GRID1: variants seen among roughly 807,000 people sequenced by gnomAD.
The protein encoded by GRID1 is glutamate ionotropic receptor delta type subunit 1, also known as glutamate receptor ionotropic, delta-1.
Under a neutral mutation model 98.0 loss-of-function variants are expected in GRID1, and 28 were observed. That is an observed-to-expected ratio of 0.29 (90% confidence interval 0.21 to 0.39). GRID1 has a LOEUF of 0.39. Among genes scored for constraint, GRID1 ranks in the 10% least tolerant of loss-of-function variants. The pLI, the probability that GRID1 is intolerant of heterozygous loss-of-function variation, is 1.00. For synonymous variants in GRID1, 553 were observed against 538.5 expected, an observed-to-expected ratio of 1.03 and a Z score of -0.37; for missense variants, 1,111 against 1,340.5, an observed-to-expected ratio of 0.83 and a Z score of 2.67.
chr10:86,226,453 C>CCTCA lies in GRID1; in HGVS notation c.236-19806_236-19805insTGAG, dbSNP rs1403873686. Among the ~76,000 whole-genome samples, 3 of 32,070 alleles carry CCTCA rather than the reference C, an allele frequency of 9.4e-5. 1 individual carries two copies. Among genetic ancestry groups the CCTCA allele is most frequent in the African/African-American group, 1.3e-4 (1 of 7,810 alleles). The allele number at this position is 32,070 out of a possible 152,430, so 21.0% of individuals were successfully genotyped here. ...AGCATACCCTCCCACCCCAGCATAC[C>CCTCA]CTCCCACCCCAGCACACCCTCCCAC... On this transcript the variant is annotated intron_variant, in intron 2 of 15. Transcript: ENST00000327946.
At chr10:85,727,145 A>C (rs545402693) in intron 10 of GRID1, among the ~76,000 whole-genome samples, 33 of 152,290 alleles carry the variant, frequency 2.2e-4, no homozygotes, top group African/African-American at 7.7e-4. Context: ...GGAGTACAGC[A>C]AAGGTCCCTG....
At chr10:85,695,198 A>G (rs1329593286) in intron 12 of GRID1, among the ~76,000 whole-genome samples, 2 of 152,216 alleles carry the variant, frequency 1.3e-5, no homozygotes, top group East Asian at 1.9e-4. Context: ...CAGTCTATAG[A>G]GTAAGCCTGT....
intron 4 of GRID1, among the ~76,000 whole-genome samples, chr10:85,953,014 G>A (rs536836775): frequency 2.0e-5 from 3 of 151,790 alleles, no homozygotes; most frequent in Admixed American, 1.3e-4. Flanking sequence ...TTTCTCTATT[G>A]TAAGAGTATA....
intron 4 of GRID1, among the ~76,000 whole-genome samples, chr10:86,053,864 GCACATGCTCACACACGTGTGCA>G (rs1456126494): frequency 2.6e-5 from 4 of 152,122 alleles, no homozygotes; most frequent in East Asian, 3.9e-4. Flanking sequence ...GTGTGCATAA[GCACATGCTCACACACGTGTGCA>G]CACATGCACA....
intron 12 of GRID1, among the ~76,000 whole-genome samples, chr10:85,652,065 A>G (rs1564689573): frequency 1.3e-5 from 2 of 152,182 alleles, no homozygotes. Context: ...ATTGTCTTGC[A>G]AAAGGACTTT....
intron 3 of GRID1, among the ~76,000 whole-genome samples, chr10:86,187,818 A>G (rs1004901672): frequency 3.9e-5 from 6 of 152,218 alleles, no homozygotes; most frequent in Non-Finnish European, 8.8e-5. Flanking sequence ...AGAAGTTCCC[A>G]CCACCCATCT....
At chr10:86,162,132 T>C (rs889344329) in intron 3 of GRID1, among the ~76,000 whole-genome samples, 2 of 152,092 alleles carry the variant, frequency 1.3e-5, no homozygotes, top group African/African-American at 4.8e-5. Flanking sequence ...AACAAATGAA[T>C]ATGTATAAAT....
At chr10:86,054,145 A>G (rs1226470353) in intron 4 of GRID1, among the ~76,000 whole-genome samples, 1 of 152,024 alleles carries the variant, frequency 6.6e-6, no homozygotes, top group African/African-American at 2.4e-5. Context: ...GTAAGCCAGA[A>G]GTGTTATCAT....
In GRID1 at chr10:85,761,401, T is replaced by C. The variant is rs115343232; in HGVS notation, c.1234-31787A>G. Among the ~76,000 whole-genome samples the C allele has an allele frequency of 3.5e-3, 527 of 152,302 alleles. 4 individuals carry two copies. The highest frequency in any genetic ancestry group is 0.012 in the African/African-American group (507 of 41,568). Reference sequence around the variant, plus strand: ...GTTCTTTCCAGTTTCTGATCACCCATTCAAACAAGTATTTACTGAGCCCTT... The same window carrying C: ...GTTCTTTCCAGTTTCTGATCACCCACTCAAACAAGTATTTACTGAGCCCTT... On this transcript the variant is annotated intron_variant, in intron 8 of 15. Coordinates refer to ENST00000327946, the MANE Select transcript of GRID1 (RefSeq NM_017551.3).
intron 2 of GRID1, among the ~76,000 whole-genome samples, chr10:86,300,135 T>C (rs1179013572): frequency 1.3e-5 from 2 of 151,574 alleles, no homozygotes; most frequent in Non-Finnish European, 2.9e-5. Flanking sequence ...AGAAGCCCAT[T>C]TGAGGATGGT....
chr10:85,984,537 C>A (rs1192151330), intron 4 of GRID1, among the ~76,000 whole-genome samples: 2 of 152,144 alleles, frequency 1.3e-5, no homozygotes, highest in Admixed American at 6.5e-5. Flanking sequence ...GTGTCCAGGA[C>A]CTGGAGCTGG....
intron 4 of GRID1, among the ~76,000 whole-genome samples, chr10:85,983,211 C>T (rs1451252840): frequency 1.3e-5 from 2 of 152,188 alleles, no homozygotes; most frequent in Non-Finnish European, 2.9e-5. Context: ...CTGTTGAGTT[C>T]ATGAGTAAGG....
intron 8 of GRID1, among the ~76,000 whole-genome samples, chr10:85,778,741 T>A (rs1403731209): frequency 6.6e-6 from 1 of 152,194 alleles, no homozygotes; most frequent in Non-Finnish European, 1.5e-5. Context: ...ACAAAAAGCC[T>A]TCAAAGCTTC....
intron 3 of GRID1, among the ~76,000 whole-genome samples, chr10:86,140,094 T>C (rs1844990090): frequency 6.6e-6 from 1 of 152,226 alleles, no homozygotes; most frequent in African/African-American, 2.4e-5. Flanking sequence ...AGCCAGTGAA[T>C]GCCTTTGTTT....
At chr10:85,911,569 G>T (rs1465131643) in intron 5 of GRID1, among the ~76,000 whole-genome samples, 3 of 152,162 alleles carry the variant, frequency 2.0e-5, no homozygotes, top group Non-Finnish European at 4.4e-5. Flanking sequence ...AAACCCAGGT[G>T]CAAAGGTTAT....
At chr10:86,344,396 G>A (rs1031760932) in intron 2 of GRID1, among the ~76,000 whole-genome samples, 1 of 152,194 alleles carries the variant, frequency 6.6e-6, no homozygotes, top group African/African-American at 2.4e-5. Context: ...CCACAGCACT[G>A]TCCAGTGTCA....
intron 12 of GRID1, among the ~76,000 whole-genome samples, chr10:85,711,480 G>A (rs917396338): frequency 6.6e-6 from 1 of 151,816 alleles, no homozygotes; most frequent in Non-Finnish European, 1.5e-5. Context: ...CAGAGAAAAT[G>A]GGAAATTAGT....
chr10:85,615,738 G>A (rs908953756), intron 14 of GRID1, among the ~76,000 whole-genome samples: 6 of 152,134 alleles, frequency 3.9e-5, no homozygotes, highest in Admixed American at 2.6e-4. Context: ...GGATCATGTC[G>A]GGCCAACTCC....
chr10:85,807,016 T>C (rs1016725788), intron 8 of GRID1, among the ~76,000 whole-genome samples: 3 of 151,998 alleles, frequency 2.0e-5, no homozygotes, highest in Non-Finnish European at 4.4e-5. Flanking sequence ...GTACTGCTTT[T>C]AAAAGTAAAA....
Sources: allele counts gnomAD v4.1 joint callset (sites outside exome capture counted in the v4.1 genomes callset), GRCh38; gene constraint gnomAD v4.1.1; transcripts MANE v1.5; gene names NCBI Gene and HGNC (gene_info 2026-07-23, HGNC 2026-07-21).